FAM170A: variants seen among roughly 807,000 people sequenced by gnomAD.
FAM170A encodes the protein family with sequence similarity 170 member A, also known as protein FAM170A.
A neutral mutation model predicts 36.6 loss-of-function variants in FAM170A; 28 were observed. The ratio of observed to expected loss-of-function variants is 0.76; its 90% CI spans 0.57 to 1.05. The LOEUF (loss-of-function observed/expected upper bound fraction) is 1.05. Ranked by LOEUF, FAM170A falls within the 50% of genes least tolerant of loss-of-function variation. FAM170A has a pLI of 0.00. For missense variants in FAM170A, 434 were observed against 396.5 expected (o/e 1.09, Z -0.80); for synonymous variants, 156 against 143.9 (o/e 1.08, Z -0.60).
At chr5:119,631,650 A>G (rs1756254746) in intron 1 of FAM170A, among the ~76,000 whole-genome samples, 1 of 152,184 alleles carries the variant, frequency 6.6e-6, no homozygotes, top group East Asian at 1.9e-4. Flanking sequence ...TTATATACAC[A>G]TACCGTTCCT....
rs780829563 is a variant in FAM170A at position 119,634,281 on chromosome 5, C to T, written c.533C>T (p.Thr178Ile). 16 of 1,614,028 alleles carry T rather than the reference C, an allele frequency of 9.9e-6. No homozygotes were observed. In the Admixed American group the frequency reaches 2.0e-4, roughly 20 times the overall value. Residue 178 changes from threonine to isoleucine, a missense_variant, in exon 3 of 5, where the codon ACC becomes ATC. Coordinates refer to ENST00000613773, the Ensembl canonical transcript of FAM170A. The stretch of plus-strand genomic sequence containing the variant: ...GGTACTCCCCCCTCTGATGTGTCCA[C>T]CAGAAACCTCCTGTCTGACAGTGAG...
exon 1 of FAM170A, chr5:119,629,630 A>G (rs1756196630): frequency 4.7e-6 from 3 of 643,344 alleles, no homozygotes; most frequent in East Asian, 3.0e-5. Flanking sequence ...TGAGTTCTTT[A>G]GCTATCTCGG....
intron 1 of FAM170A, among the ~76,000 whole-genome samples, chr5:119,630,685 G>C (rs949585567): frequency 6.6e-6 from 1 of 152,156 alleles, no homozygotes; most frequent in Non-Finnish European, 1.5e-5. Context: ...CTGGAACTAT[G>C]CCAGTCTCAG....
chr5:119,634,729 C>T (rs771033485), exon 3 of FAM170A: 8 of 1,535,922 alleles, frequency 5.2e-6, no homozygotes, highest in South Asian at 1.3e-5. Context: ...CTCCAAAGGA[C>T]AGGAAGTGAG....
At position 119,629,840 on chromosome 5, in the gene FAM170A, T is replaced by A. The variant is rs767109249; in HGVS notation, c.70+2T>A. On this transcript the variant is annotated splice_donor_variant, in intron 1 of 4. Coordinates refer to ENST00000613773, the Ensembl canonical transcript of FAM170A. LOFTEE classifies it high-confidence loss of function. Reference sequence around the variant, plus strand: ...AGGAAACCGCTGAGAAGGGAGGAGGTATGTGCGGGGCAAACTTTCTGGGGC... The same window carrying A: ...AGGAAACCGCTGAGAAGGGAGGAGGAATGTGCGGGGCAAACTTTCTGGGGC... 6.2e-7 allele frequency: 1 copy of A among 1,612,102 alleles called. No individual in the cohort carries two copies. Among genetic ancestry groups the A allele is most frequent in the African/African-American group, 1.3e-5 (1 of 74,792 alleles).
chr5:119,633,005 G>T, intron 2 of FAM170A, 117 bp downstream of exon 2: 1 of 1,220,020 alleles, frequency 8.2e-7, no homozygotes, highest in South Asian at 1.7e-5. Context: ...AGTGCTGCTT[G>T]GGTGTAAGAC....
intron 2 of FAM170A, 26 bp downstream of exon 2, chr5:119,632,914 C>CCAA: frequency 1.3e-6 from 2 of 1,553,726 alleles, no homozygotes; most frequent in South Asian, 2.4e-5. Flanking sequence ...TCCTTCGGCA[C>CCAA]GTGGCTCCTT....
intron 1 of FAM170A, among the ~76,000 whole-genome samples, chr5:119,630,504 G>A (rs1193838160): frequency 1.3e-5 from 2 of 152,152 alleles, no homozygotes; most frequent in Non-Finnish European, 2.9e-5. Flanking sequence ...AGAAACTGAG[G>A]AGAATGTACC....
rs10603530 is a variant in FAM170A at position 119,630,321 on chromosome 5, A to AT, written c.70+506dup. Among the ~76,000 whole-genome samples the AT allele has an allele frequency of 5.0e-3, 589 of 118,316 alleles. 4 individuals are homozygous for AT. The highest frequency in any genetic ancestry group is 0.016 in the East Asian group (72 of 4,532). The allele number at this position is 118,316 out of a possible 152,430, so 77.6% of individuals were successfully genotyped here. A position where few individuals can be genotyped will look rare whatever the true frequency, so the allele number is the denominator to read the frequency against. On this transcript the variant is annotated intron_variant, in intron 1 of 4. Transcript: ENST00000613773. ...AGGCGCCCGCCACCACGCCTGGCTAATTTTTTTTTTTTTTTTTTTTTTTGT... is the reference window on the plus strand; with the variant it reads ...AGGCGCCCGCCACCACGCCTGGCTAATTTTTTTTTTTTTTTTTTTTTTTTGT...
At chr5:119,631,787 CT>C (rs2126971906) in intron 1 of FAM170A, among the ~76,000 whole-genome samples, 1 of 152,190 alleles carries the variant, frequency 6.6e-6, no homozygotes, top group South Asian at 2.1e-4. Context: ...TAAACTATCT[CT>C]AAATACCTCT....
exon 1 of FAM170A, chr5:119,629,792 A>G: frequency 1.2e-6 from 2 of 1,613,772 alleles, no homozygotes; most frequent in Non-Finnish European, 1.7e-6. Flanking sequence ...AAAAGAGGAA[A>G]CATTTGGAAA....
chr5:119,631,204 GC>G (rs1200279915), intron 1 of FAM170A, among the ~76,000 whole-genome samples: 1 of 152,182 alleles, frequency 6.6e-6, no homozygotes, highest in Non-Finnish European at 1.5e-5. Flanking sequence ...CCCAGAGATG[GC>G]CCTGGAGGCT....
intron 1 of FAM170A, among the ~76,000 whole-genome samples, chr5:119,630,415 C>T (rs1469208583): frequency 1.3e-5 from 2 of 151,568 alleles, no homozygotes; most frequent in African/African-American, 2.4e-5. Context: ...TCATGATCCA[C>T]CTGCCTCGGC....
intron 1 of FAM170A, among the ~76,000 whole-genome samples, chr5:119,631,828 A>G (rs1019393067): frequency 6.6e-6 from 1 of 152,162 alleles, no homozygotes; most frequent in Non-Finnish European, 1.5e-5. Flanking sequence ...CATACATGCC[A>G]TATCTGCAAC....
chr5:119,634,234 C>A, exon 3 of FAM170A: 1 of 1,614,168 alleles, frequency 6.2e-7, no homozygotes. Context: ...AAGAAGTGAC[C>A]CTTTCTGAGG....
chr5:119,634,327 G>A (rs1756327776), exon 3 of FAM170A: 1 of 1,614,196 alleles, frequency 6.2e-7, no homozygotes, highest in Non-Finnish European at 8.5e-7. Flanking sequence ...AGGAGAAAGA[G>A]CATGAGGAAA....
chr5:119,629,613 A>T lies in FAM170A; in HGVS notation c.-156A>T, dbSNP rs1580763052. On this transcript the variant is annotated 5_prime_UTR_variant, in exon 1 of 5. The change creates a new upstream start codon in the 5' untranslated region. Transcript: ENST00000613773. Reference sequence around the variant, plus strand: ...ACTGGGCAGTGCTGCTCCTTCACTAAGCGGTCTGAGTTCTTTAGCTATCTC... The same window carrying T: ...ACTGGGCAGTGCTGCTCCTTCACTATGCGGTCTGAGTTCTTTAGCTATCTC... 4 of 574,758 alleles carry T rather than the reference A, an allele frequency of 7.0e-6. No homozygotes were observed. The East Asian group carries it at 1.3e-4, about 19-fold the overall frequency. 35.6% of individuals were successfully genotyped at this position (574,758 alleles called of 1,614,324 possible).
exon 1 of FAM170A, chr5:119,629,690 G>A: frequency 1.9e-6 from 2 of 1,066,464 alleles, no homozygotes; most frequent in South Asian, 1.3e-5. Context: ...AATTTCCTGA[G>A]AGCCAAGAAG....
chr5:119,630,904 G>C (rs1468321307), intron 1 of FAM170A, among the ~76,000 whole-genome samples: 1 of 152,340 alleles, frequency 6.6e-6, no homozygotes, highest in East Asian at 1.9e-4. Context: ...ATCTTGAGAA[G>C]TGAAATGCTT....
Sources: gnomAD v4.1 joint callset for allele counts (sites outside exome capture counted in the v4.1 genomes callset) on GRCh38, gnomAD v4.1.1 for gene constraint, MANE v1.5 for transcripts, NCBI Gene and HGNC (gene_info 2026-07-23, HGNC 2026-07-21) for gene names.